The following LHFPL3 variants were observed in gnomAD, a reference collection of about 807,000 sequenced individuals.
LHFPL3 encodes the protein LHFPL tetraspan subfamily member 3 protein.
Under a neutral mutation model 19.3 loss-of-function variants are expected in LHFPL3, and 5 were observed. The ratio of observed to expected loss-of-function variants is 0.26; its 90% CI spans 0.14 to 0.54. The LOEUF (loss-of-function observed/expected upper bound fraction) is 0.54, where lower values mean the gene tolerates loss of function less well. Ranked by LOEUF, LHFPL3 falls within the 20% of genes least tolerant of loss-of-function variation. The pLI is 0.94. For missense variants in LHFPL3, 249 were observed against 307.4 expected, an observed-to-expected ratio of 0.81 and a Z score of 1.42; for synonymous variants, 133 against 126.2, an observed-to-expected ratio of 1.05 and a Z score of -0.36.
At chr7:104,598,852 T>TA (rs1790912874) in intron 1 of LHFPL3, among the ~76,000 whole-genome samples, 1 of 152,222 alleles carries the variant, frequency 6.6e-6, no homozygotes, top group African/African-American at 2.4e-5. Flanking sequence ...GTTAATAATG[T>TA]AAAAAGGATT....
intron 1 of LHFPL3, among the ~76,000 whole-genome samples, chr7:104,441,687 G>A (rs776950907): frequency 6.6e-6 from 1 of 151,946 alleles, no homozygotes; most frequent in Non-Finnish European, 1.5e-5. Flanking sequence ...GTGATTCTCC[G>A]GCCTCAGCCT....
chr7:104,750,020 C>T (rs954453247), intron 2 of LHFPL3, among the ~76,000 whole-genome samples: 6 of 152,026 alleles, frequency 3.9e-5, no homozygotes, highest in African/African-American at 9.7e-5. Flanking sequence ...TATAATGGAG[C>T]GGGCATGGTG....
chr7:104,824,737 G>T (rs1790782048), intron 2 of LHFPL3, among the ~76,000 whole-genome samples: 2 of 82,572 alleles, frequency 2.4e-5, no homozygotes, highest in South Asian at 4.2e-4. Flanking sequence ...TTTTGAAACA[G>T]AAGTCTTACT....
At chr7:104,384,771 G>A (rs1351591822) in intron 1 of LHFPL3, among the ~76,000 whole-genome samples, 1 of 121,210 alleles carries the variant, frequency 8.3e-6, no homozygotes, top group Non-Finnish European at 1.6e-5. Context: ...TAGGCAACAA[G>A]AGTGAAACTC....
At chr7:104,808,116 C>T (rs1363708753) in intron 2 of LHFPL3, among the ~76,000 whole-genome samples, 5 of 152,150 alleles carry the variant, frequency 3.3e-5, no homozygotes, top group Non-Finnish European at 7.4e-5. Context: ...TCTTCTCCCC[C>T]ATCAGCCACA....
At chr7:104,834,998 C>T (rs946360174) in intron 2 of LHFPL3, among the ~76,000 whole-genome samples, 31 of 151,894 alleles carry the variant, frequency 2.0e-4, no homozygotes, top group African/African-American at 7.3e-4. Context: ...TTCTTTCTTC[C>T]TTGCATTCTC....
At chr7:104,341,327 G>A (rs887940323) in intron 1 of LHFPL3, among the ~76,000 whole-genome samples, 10 of 152,144 alleles carry the variant, frequency 6.6e-5, no homozygotes, top group African/African-American at 1.9e-4. Context: ...TAAAAAAGCA[G>A]CAACAACATT....
intron 1 of LHFPL3, among the ~76,000 whole-genome samples, chr7:104,734,568 A>G (rs1424192066): frequency 6.6e-6 from 1 of 152,148 alleles, no homozygotes; most frequent in Non-Finnish European, 1.5e-5. Flanking sequence ...TTTCAGCTCC[A>G]TCAGGTCCTT....
At chr7:104,838,953 G>A (rs73417647) in intron 2 of LHFPL3, among the ~76,000 whole-genome samples, 1 of 152,138 alleles carries the variant, frequency 6.6e-6, no homozygotes, top group African/African-American at 2.4e-5. Flanking sequence ...AATGCTGTAA[G>A]AGCCCAGAAT....
At chr7:104,901,417 A>G (rs532549501) in intron 2 of LHFPL3, among the ~76,000 whole-genome samples, 1 of 152,304 alleles carries the variant, frequency 6.6e-6, no homozygotes, top group East Asian at 1.9e-4. Context: ...CAGTAGGAAG[A>G]AAAAATATGC....
intron 1 of LHFPL3, among the ~76,000 whole-genome samples, chr7:104,391,913 T>G (rs891137472): frequency 3.3e-5 from 5 of 152,170 alleles, no homozygotes; most frequent in South Asian, 4.1e-4. Flanking sequence ...CCCTTGTAAG[T>G]TGGATTCCTA....
intron 2 of LHFPL3, among the ~76,000 whole-genome samples, chr7:104,857,161 T>C (rs749936002): frequency 7.9e-5 from 12 of 152,328 alleles, no homozygotes; most frequent in Non-Finnish European, 7.3e-5. Context: ...TGAGCCTATT[T>C]GACTAGTAGG....
chr7:104,541,147 C>CACACACACACAA (rs1794479320), intron 1 of LHFPL3, among the ~76,000 whole-genome samples: 1 of 145,058 alleles, frequency 6.9e-6, no homozygotes, highest in Non-Finnish European at 1.5e-5. Flanking sequence ...CACACACACA[C>CACACACACACAA]AACCCTGTGG....
intron 1 of LHFPL3, among the ~76,000 whole-genome samples, chr7:104,367,251 A>G (rs1021928761): frequency 1.3e-5 from 2 of 152,184 alleles, no homozygotes; most frequent in Non-Finnish European, 2.9e-5. Flanking sequence ...CTACATGCAT[A>G]TGAATAATGC....
intron 1 of LHFPL3, among the ~76,000 whole-genome samples, chr7:104,410,313 A>T (rs1791511425): frequency 6.6e-6 from 1 of 152,118 alleles, no homozygotes; most frequent in Non-Finnish European, 1.5e-5. Context: ...TTGTATTTTT[A>T]GTAGAGACGG....
chr7:104,862,862 G>C (rs1287856312), intron 2 of LHFPL3, among the ~76,000 whole-genome samples: 1 of 152,236 alleles, frequency 6.6e-6, no homozygotes, highest in Non-Finnish European at 1.5e-5. Context: ...TCCCCTAGCT[G>C]CCGAGTCGGA....
intron 1 of LHFPL3, among the ~76,000 whole-genome samples, chr7:104,719,852 C>T (rs760686450): frequency 1.3e-5 from 2 of 152,106 alleles, no homozygotes; most frequent in Non-Finnish European, 2.9e-5. Context: ...CATTTGTGGA[C>T]CGTGTATGAC....
chr7:104,501,471 T>C (rs915771031), intron 1 of LHFPL3, among the ~76,000 whole-genome samples: 1 of 152,194 alleles, frequency 6.6e-6, no homozygotes, highest in Admixed American at 6.5e-5. Flanking sequence ...CTAATAAAAT[T>C]TGGAGTTCTA....
chr7:104,842,754 A>C (rs1421990272), intron 2 of LHFPL3, among the ~76,000 whole-genome samples: 1 of 152,204 alleles, frequency 6.6e-6, no homozygotes, highest in African/African-American at 2.4e-5. Flanking sequence ...GCCTAGTTAT[A>C]ATTTGATTAA....
Sources: allele counts gnomAD v4.1 joint callset (sites outside exome capture counted in the v4.1 genomes callset), GRCh38; gene constraint gnomAD v4.1.1; transcripts MANE v1.5; gene names NCBI Gene and HGNC (gene_info 2026-07-23, HGNC 2026-07-21).